USH2A: variants seen among roughly 807,000 people sequenced by gnomAD.
USH2A encodes the protein usherin.
A neutral mutation model predicts 538.9 loss-of-function variants in USH2A; 443 were observed. The ratio of observed to expected loss-of-function variants is 0.82; its 90% CI spans 0.76 to 0.89. The LOEUF is 0.89. Among genes scored for constraint, USH2A ranks in the 40% least tolerant of loss-of-function variants. The pLI is 0.00. For missense variants in USH2A, 6,633 were observed against 6,324.8 expected (o/e 1.05, Z -1.65); for synonymous variants, 2,413 against 2,273.5 (o/e 1.06, Z -1.75).
chr1:215,854,004 T>C (rs1664089543), intron 44 of USH2A, among the ~76,000 whole-genome samples: 1 of 152,224 alleles, frequency 6.6e-6, no homozygotes, highest in Admixed American at 6.5e-5. Flanking sequence ...CATTTTTGGC[T>C]ATCTTTTCAG....
rs753732714 is a variant in USH2A, at chr1:215,634,707, C to A, written c.15053-4G>T. On this transcript the variant is annotated splice_region_variant and splice_polypyrimidine_tract_variant and intron_variant, in intron 69 of 71. Transcript: ENST00000307340. ...CCAGGAGTTGTTAGGACCAAGCCTG[C>A]AAAACCCAGAGAAAGAAAGGGGAAA... The A allele has an allele frequency of 8.5e-5, 137 of 1,614,094 alleles. No homozygotes were observed. Among genetic ancestry groups the A allele is most frequent in the African/African-American group, 1.3e-5 (1 of 74,936 alleles).
chr1:215,873,794 G>T (rs1664682642), intron 43 of USH2A, among the ~76,000 whole-genome samples: 1 of 103,756 alleles, frequency 9.6e-6, no homozygotes, highest in Non-Finnish European at 1.9e-5. Flanking sequence ...CATCCAAATT[G>T]TCATTGCAAA....
intron 11 of USH2A, among the ~76,000 whole-genome samples, chr1:216,271,013 T>C (rs1451609582): frequency 6.6e-6 from 1 of 152,172 alleles, no homozygotes; most frequent in Non-Finnish European, 1.5e-5. Flanking sequence ...TGCTTTTAAT[T>C]ATCACCAAGT....
chr1:216,404,990 T>A (rs557404520), intron 3 of USH2A, among the ~76,000 whole-genome samples: 1 of 152,012 alleles, frequency 6.6e-6, no homozygotes, highest in African/African-American at 2.4e-5. Flanking sequence ...TTCTCCCACC[T>A]CAGCCTCCCC....
At chr1:216,048,229 A>G (rs2030604015) in intron 31 of USH2A, among the ~76,000 whole-genome samples, 1 of 152,216 alleles carries the variant, frequency 6.6e-6, no homozygotes, top group Admixed American at 6.5e-5. Context: ...TAAAATGAGG[A>G]AGCTTTCATT....
intron 44 of USH2A, among the ~76,000 whole-genome samples, chr1:215,864,666 G>A (rs1166306328): frequency 6.6e-6 from 1 of 152,062 alleles, no homozygotes; most frequent in Admixed American, 6.6e-5. Context: ...TTCAAATACT[G>A]TGGGCAAAAC....
At chr1:216,318,625 T>G (rs1299658260) in intron 9 of USH2A, among the ~76,000 whole-genome samples, 1 of 152,236 alleles carries the variant, frequency 6.6e-6, no homozygotes, top group Non-Finnish European at 1.5e-5. Flanking sequence ...TTATATTTGT[T>G]GCTTTTTAAA....
At chr1:216,304,794 G>C (rs2037282632) in intron 9 of USH2A, among the ~76,000 whole-genome samples, 1 of 151,030 alleles carries the variant, frequency 6.6e-6, no homozygotes, top group African/African-American at 2.4e-5. Context: ...TTGAGAAGCA[G>C]GTTATTTAAT....
chr1:216,272,732 A>C (rs1263186037), intron 11 of USH2A, among the ~76,000 whole-genome samples: 1 of 152,116 alleles, frequency 6.6e-6, no homozygotes, highest in East Asian at 1.9e-4. Context: ...TGTGTAATTG[A>C]ATATTGTAGT....
intron 9 of USH2A, among the ~76,000 whole-genome samples, chr1:216,310,697 T>G (rs2037404073): frequency 6.6e-6 from 1 of 152,208 alleles, no homozygotes; most frequent in Non-Finnish European, 1.5e-5. Context: ...TTTTTAAAAT[T>G]TCAATCTCTG....
At chr1:215,750,446 G>A (rs147880784) in intron 58 of USH2A, among the ~76,000 whole-genome samples, 19 of 152,152 alleles carry the variant, frequency 1.2e-4, no homozygotes, top group Admixed American at 7.9e-4. Flanking sequence ...TAATTTCCAC[G>A]TTAGTTAAAT....
Position 216,089,136 on chromosome 1 carries a change from A to G in USH2A, c.4762T>C (p.Ser1588Pro), listed in dbSNP as rs1197673549. The change falls in exon 23 of 72, where the codon TCA (serine) becomes CCA (proline). Residue 1588 changes from serine (S) to proline (P), a missense_variant. Ser to Pro is a moderately conservative substitution (Grantham distance 74). Transcript: ENST00000307340. The stretch of plus-strand genomic sequence containing the variant: ...TTAGTTGTAGTTACTTCCACTGGTG[A>G]CCCCTTAAGGGAATGAATGAATAAA... ...RLYFLFDPQGSPVEVTTTNDH... is the reference protein window; with the variant it reads ...RLYFLFDPQGPPVEVTTTNDH... 2.5e-6 allele frequency: 4 copies of G among 1,612,396 alleles called. No individual in the cohort carries two copies. The African/African-American group carries it at 4.0e-5, about 16-fold the overall frequency.
At chr1:216,235,248 A>G (rs543110085) in intron 13 of USH2A, among the ~76,000 whole-genome samples, 1 of 152,238 alleles carries the variant, frequency 6.6e-6, no homozygotes, top group African/African-American at 2.4e-5. Flanking sequence ...TGCATTTCTG[A>G]TACCCCTTTG....
At chr1:216,073,765 CTG>C (rs1309276673) in intron 27 of USH2A, among the ~76,000 whole-genome samples, 2 of 152,200 alleles carry the variant, frequency 1.3e-5, no homozygotes, top group Non-Finnish European at 2.9e-5. Context: ...AAAATACACT[CTG>C]AGCATTTTAT....
intron 40 of USH2A, 74 bp from the exon 41 acceptor site, chr1:215,889,128 G>T: frequency 6.6e-7 from 1 of 1,526,358 alleles, no homozygotes; most frequent in South Asian, 1.1e-5. Flanking sequence ...TAAAATGAGT[G>T]ATAGCTCTGC....
intron 3 of USH2A, among the ~76,000 whole-genome samples, chr1:216,402,836 A>G (rs2102762490): frequency 6.6e-6 from 1 of 152,300 alleles, no homozygotes; most frequent in Non-Finnish European, 1.5e-5. Context: ...CAAACATACA[A>G]CATAATAAAA....
At chr1:215,845,748 T>C in intron 45 of USH2A, 76 bp downstream of exon 45, 1 of 1,506,320 alleles carries the variant, frequency 6.6e-7, no homozygotes, top group Non-Finnish European at 9.2e-7. Context: ...GAGGGATGAC[T>C]GATCTCAACC....
chr1:215,948,654 C>A (rs1666819782), intron 37 of USH2A, among the ~76,000 whole-genome samples: 1 of 151,880 alleles, frequency 6.6e-6, no homozygotes, highest in Non-Finnish European at 1.5e-5. Context: ...TAGAAACACC[C>A]ACCCTCTTGA....
At chr1:215,906,787 A>G (rs1402086959) in intron 38 of USH2A, among the ~76,000 whole-genome samples, 1 of 152,080 alleles carries the variant, frequency 6.6e-6, no homozygotes, top group Non-Finnish European at 1.5e-5. Context: ...TGTAAAATGG[A>G]GAAGTCTTCA....
Sources: gnomAD v4.1 joint callset for allele counts (sites outside exome capture counted in the v4.1 genomes callset) on GRCh38, gnomAD v4.1.1 for gene constraint, MANE v1.5 for transcripts, NCBI Gene and HGNC (gene_info 2026-07-23, HGNC 2026-07-21) for gene names.